CNPY1: variants seen among roughly 807,000 people sequenced by gnomAD.
The protein encoded by CNPY1 is protein canopy homolog 1.
A neutral mutation model predicts 14.4 loss-of-function variants in CNPY1; 14 were observed. The observed-to-expected ratio is 0.97, with a 90% CI of 0.64 to 1.52. CNPY1 has a LOEUF of 1.52. Ranked by LOEUF, CNPY1 falls within the 40% of genes most tolerant of loss-of-function variation. The pLI is 0.00. For missense variants in CNPY1, 129 were observed against 131.5 expected (o/e 0.98, Z 0.09); for synonymous variants, 43 against 46.5 (o/e 0.92, Z 0.31).
chr7:155,526,742 G>A (rs2116728420), intron 2 of CNPY1, among the ~76,000 whole-genome samples: 2 of 152,318 alleles, frequency 1.3e-5, no homozygotes, highest in South Asian at 4.1e-4. Context: ...CAATATGCAA[G>A]AAAGCAGCCT....
chr7:155,527,049 TC>T (rs1399566968), intron 2 of CNPY1, among the ~76,000 whole-genome samples: 2 of 67,092 alleles, frequency 3.0e-5, no homozygotes, highest in African/African-American at 1.2e-4. Context: ...TTTCTTTCTT[TC>T]TTTCTTTTTT....
At chr7:155,514,800 G>A (rs993543338) in intron 2 of CNPY1, among the ~76,000 whole-genome samples, 5 of 152,162 alleles carry the variant, frequency 3.3e-5, no homozygotes, top group East Asian at 3.9e-4. Context: ...AGGCTAAGGC[G>A]GGAGAATCGC....
At chr7:155,530,553 C>T (rs1449057035) in intron 2 of CNPY1, among the ~76,000 whole-genome samples, 3 of 152,192 alleles carry the variant, frequency 2.0e-5, no homozygotes, top group African/African-American at 7.2e-5. Flanking sequence ...GGGTCTTGAA[C>T]TCCTGGCCTC....
chr7:155,526,516 CCA>C (rs1050836695), intron 2 of CNPY1, among the ~76,000 whole-genome samples: 1 of 152,016 alleles, frequency 6.6e-6, no homozygotes, highest in Non-Finnish European at 1.5e-5. Context: ...GTTACTATCC[CCA>C]CATTCACAAT....
chr7:155,543,044 G>A (rs939098317), intron 2 of CNPY1, among the ~76,000 whole-genome samples: 62 of 152,240 alleles, frequency 4.1e-4, no homozygotes, highest in African/African-American at 1.3e-3. Context: ...GGGGGAACCC[G>A]CCTCACCCCT....
intron 2 of CNPY1, among the ~76,000 whole-genome samples, chr7:155,525,171 ATCTT>A (rs1053020703): frequency 2.0e-5 from 3 of 151,654 alleles, no homozygotes; most frequent in African/African-American, 7.3e-5. Flanking sequence ...ATAGCATTTC[ATCTT>A]TCTTTCTTTT....
chr7:155,537,242 C>T (rs986447824), intron 2 of CNPY1, among the ~76,000 whole-genome samples: 1 of 152,114 alleles, frequency 6.6e-6, no homozygotes, highest in African/African-American at 2.4e-5. Flanking sequence ...GGGGAAGCTA[C>T]CTCCCTTCCA....
In CNPY1 at chr7:155,502,190, T is replaced by C. The variant is rs1796137427; in HGVS notation, c.*878A>G. On this transcript the variant is annotated 3_prime_UTR_variant, in exon 5 of 5. Transcript: ENST00000636446. Reference sequence around the variant, plus strand: ...TTGTTACTAGACTTTGTATATTAAGTGTGGCCAAAAGATAATTTCCCACCA... The same window carrying C: ...TTGTTACTAGACTTTGTATATTAAGCGTGGCCAAAAGATAATTTCCCACCA... 6.6e-6 allele frequency: 1 copy of C among 152,200 alleles called. No individual in the cohort carries two copies. Among genetic ancestry groups the C allele is most frequent in the Non-Finnish European group, 1.5e-5 (1 of 68,030 alleles). 9.4% of individuals were successfully genotyped at this position (152,200 alleles called of 1,614,324 possible).
chr7:155,540,879 G>A (rs1797076766), intron 2 of CNPY1, among the ~76,000 whole-genome samples: 1 of 152,238 alleles, frequency 6.6e-6, no homozygotes, highest in Non-Finnish European at 1.5e-5. Flanking sequence ...TCATCACTGG[G>A]AGAGGAGACA....
chr7:155,507,384 T>C (rs1313747307), intron 3 of CNPY1, among the ~76,000 whole-genome samples: 2 of 150,150 alleles, frequency 1.3e-5, no homozygotes, highest in African/African-American at 4.9e-5. Context: ...TCTCTTTGCA[T>C]GTTTCGCTTC....
At chr7:155,531,171 G>A (rs1396457655) in intron 2 of CNPY1, among the ~76,000 whole-genome samples, 1 of 152,182 alleles carries the variant, frequency 6.6e-6, no homozygotes, top group Non-Finnish European at 1.5e-5. Flanking sequence ...AGGCATGCGT[G>A]CCCTGCGTCC....
intron 4 of CNPY1, among the ~76,000 whole-genome samples, chr7:155,505,253 G>A (rs1487773130): frequency 2.0e-5 from 3 of 152,152 alleles, no homozygotes; most frequent in African/African-American, 7.2e-5. Context: ...CGGCTCAATG[G>A]TGGCTTGCAC....
intron 2 of CNPY1, among the ~76,000 whole-genome samples, chr7:155,513,838 G>A (rs1796568899): frequency 6.6e-6 from 1 of 152,082 alleles, no homozygotes; most frequent in Admixed American, 6.5e-5. Context: ...ATTATTAAAT[G>A]CAAAATTGGT....
intron 2 of CNPY1, among the ~76,000 whole-genome samples, chr7:155,526,356 C>T (rs981973714): frequency 2.0e-5 from 3 of 152,178 alleles, no homozygotes; most frequent in African/African-American, 7.2e-5. Flanking sequence ...ATTCAGAAAG[C>T]GATTTGTGTA....
chr7:155,542,044 C>A (rs939168789), intron 2 of CNPY1, among the ~76,000 whole-genome samples: 2 of 50,060 alleles, frequency 4.0e-5, no homozygotes, highest in East Asian at 5.5e-4. Context: ...GGGGCAGGGT[C>A]GGGGGGGCAG....
intron 2 of CNPY1, among the ~76,000 whole-genome samples, chr7:155,532,498 G>A (rs999225533): frequency 2.0e-5 from 3 of 152,160 alleles, no homozygotes; most frequent in Non-Finnish European, 4.4e-5. Context: ...GTGGGCGCCT[G>A]TAGTCCCAGC....
intron 3 of CNPY1, among the ~76,000 whole-genome samples, chr7:155,507,743 G>T (rs1276563894): frequency 6.6e-6 from 1 of 152,070 alleles, no homozygotes; most frequent in Non-Finnish European, 1.5e-5. Context: ...TCAGAGAAGA[G>T]GGTGCTCAAA....
chr7:155,504,176 A>G (rs942901272), intron 4 of CNPY1, among the ~76,000 whole-genome samples: 11 of 152,206 alleles, frequency 7.2e-5, no homozygotes, highest in Non-Finnish European at 1.2e-4. Context: ...CTTTTATTCT[A>G]TCCAGTATAT....
chr7:155,516,744 G>T (rs1386972464), intron 2 of CNPY1, among the ~76,000 whole-genome samples: 1 of 152,162 alleles, frequency 6.6e-6, no homozygotes, highest in African/African-American at 2.4e-5. Context: ...GACCCAGTGT[G>T]CCATCCCCAG....
Sources: allele counts gnomAD v4.1 joint callset (sites outside exome capture counted in the v4.1 genomes callset), GRCh38; gene constraint gnomAD v4.1.1; transcripts MANE v1.5; gene names NCBI Gene and HGNC (gene_info 2026-07-23, HGNC 2026-07-21).